SULF1: variants seen among roughly 807,000 people sequenced by gnomAD.
The protein encoded by SULF1 is extracellular sulfatase Sulf-1.
In SULF1, 46 loss-of-function variants were observed where a neutral mutation model predicts 110.5. The ratio of observed to expected loss-of-function variants is 0.42; its 90% CI spans 0.33 to 0.53. The LOEUF (loss-of-function observed/expected upper bound fraction) is 0.53. Ranked by LOEUF, SULF1 falls within the 20% of genes least tolerant of loss-of-function variation. SULF1 has a pLI of 0.12. For missense variants in SULF1, 941 were observed against 1,094.2 expected, an observed-to-expected ratio of 0.86 and a Z score of 1.98; for synonymous variants, 371 against 387.1, an observed-to-expected ratio of 0.96 and a Z score of 0.49.
chr8:69,565,319 G>A (rs1336117777), intron 5 of SULF1, among the ~76,000 whole-genome samples: 3 of 151,978 alleles, frequency 2.0e-5, no homozygotes, highest in African/African-American at 4.8e-5. Context: ...CACATATGAT[G>A]TTAGTATGTA....
intron 22 of SULF1, 74 bp downstream of exon 22, chr8:69,640,915 T>C: frequency 6.8e-7 from 1 of 1,469,596 alleles, no homozygotes; most frequent in Non-Finnish European, 9.4e-7. Context: ...TCAACTAATT[T>C]CTGTTTCTTA....
At chr8:69,485,913 C>A (rs367901934) in intron 1 of SULF1, among the ~76,000 whole-genome samples, 8 of 152,308 alleles carry the variant, frequency 5.3e-5, no homozygotes, top group Admixed American at 2.6e-4. Context: ...ATTTCAAACA[C>A]CAACCCTAAC....
intron 3 of SULF1, among the ~76,000 whole-genome samples, chr8:69,552,402 C>G (rs961480801): frequency 6.6e-6 from 1 of 152,194 alleles, no homozygotes; most frequent in Non-Finnish European, 1.5e-5. Context: ...GATTATGACT[C>G]TAGCCTGGAT....
intron 3 of SULF1, among the ~76,000 whole-genome samples, chr8:69,554,575 C>T (rs1814949771): frequency 6.6e-6 from 1 of 151,992 alleles, no homozygotes; most frequent in African/African-American, 2.4e-5. Context: ...CAAGACACTA[C>T]AGGTTCATTA....
upstream of SULF1, among the ~76,000 whole-genome samples, chr8:69,488,988 G>C (rs999621170): frequency 5.9e-5 from 9 of 152,258 alleles, no homozygotes; most frequent in African/African-American, 2.2e-4. Context: ...GGTGGAGTGA[G>C]GCTGGCCCAG....
chr8:69,585,319 A>T (rs1331979038), intron 6 of SULF1, among the ~76,000 whole-genome samples: 2 of 152,168 alleles, frequency 1.3e-5, no homozygotes, highest in African/African-American at 4.8e-5. Flanking sequence ...GCTTGTTTAT[A>T]CCTGCTTTTC....
At chr8:69,505,061 A>G (rs1203215012) in intron 3 of SULF1, among the ~76,000 whole-genome samples, 5 of 152,198 alleles carry the variant, frequency 3.3e-5, no homozygotes, top group African/African-American at 4.8e-5. Context: ...TCTAAATTAC[A>G]TAACCCAAGA....
chr8:69,658,368 C>T (rs527864014), intron 22 of SULF1, 137 bp from the exon 23 acceptor site: 55 of 639,986 alleles, frequency 8.6e-5, no homozygotes, highest in Non-Finnish European at 3.8e-5. Flanking sequence ...TCTGTGATAA[C>T]AAATGACTAG....
chr8:69,639,506 C>T (rs568352035), intron 21 of SULF1, among the ~76,000 whole-genome samples: 58 of 152,302 alleles, frequency 3.8e-4, no homozygotes, highest in African/African-American at 1.4e-3. Flanking sequence ...AGTGTCCGCC[C>T]CAGCTCTTTT....
At chr8:69,495,192 G>A (rs779172418) in intron 1 of SULF1, among the ~76,000 whole-genome samples, 6 of 152,010 alleles carry the variant, frequency 3.9e-5, no homozygotes, top group South Asian at 4.1e-4. Context: ...AGACTGCAAC[G>A]CTGAGTAAAA....
intron 3 of SULF1, among the ~76,000 whole-genome samples, chr8:69,521,483 T>C (rs983447634): frequency 1.3e-5 from 2 of 152,050 alleles, no homozygotes; most frequent in African/African-American, 4.8e-5. Flanking sequence ...GAACAAAGAC[T>C]TGAAGGAGTG....
At chr8:69,524,083 T>C (rs1427643608) in intron 3 of SULF1, among the ~76,000 whole-genome samples, 1 of 152,010 alleles carries the variant, frequency 6.6e-6, no homozygotes, top group African/African-American at 2.4e-5. Flanking sequence ...AGTAGTAGGC[T>C]ATGTAATATG....
intron 1 of SULF1, among the ~76,000 whole-genome samples, chr8:69,485,278 G>A (rs763515394): frequency 2.6e-5 from 4 of 152,142 alleles, no homozygotes; most frequent in Non-Finnish European, 4.4e-5. Context: ...TTTAGTAATA[G>A]CATCATTGTT....
intron 6 of SULF1, among the ~76,000 whole-genome samples, chr8:69,577,893 A>T (rs1325887659): frequency 6.6e-6 from 1 of 152,198 alleles, no homozygotes; most frequent in East Asian, 1.9e-4. Context: ...TATTTATGTA[A>T]TGATTCTCTT....
At chr8:69,572,890 C>G (rs552099931) in intron 5 of SULF1, among the ~76,000 whole-genome samples, 30 of 152,182 alleles carry the variant, frequency 2.0e-4, no homozygotes, top group Non-Finnish European at 3.5e-4. Context: ...TGCAGTGGCG[C>G]GATCTTGGCT....
intron 3 of SULF1, among the ~76,000 whole-genome samples, chr8:69,529,853 G>A (rs1335182336): frequency 2.0e-5 from 3 of 152,200 alleles, no homozygotes; most frequent in Non-Finnish European, 4.4e-5. Context: ...TCTAGCCTCA[G>A]AAATCACATT....
intron 16 of SULF1, 47 bp downstream of exon 16, chr8:69,627,353 C>A: frequency 2.1e-6 from 3 of 1,461,958 alleles, no homozygotes; most frequent in South Asian, 1.2e-5. Context: ...AACTCAAACT[C>A]GGCCTGCCAG....
chr8:69,622,151 T>G (rs867915040), intron 14 of SULF1, among the ~76,000 whole-genome samples: 4 of 152,250 alleles, frequency 2.6e-5, no homozygotes, highest in Non-Finnish European at 5.9e-5. Flanking sequence ...TTTGTTTCCA[T>G]GTCAACAATT....
At chr8:69,562,908 C>G (rs1815604438) in intron 3 of SULF1, 1 of 152,786 alleles carries the variant, frequency 6.5e-6, no homozygotes. Flanking sequence ...AAGCTGAGGA[C>G]ATGAGTGGGA....
Sources: gnomAD v4.1 joint callset for allele counts (sites outside exome capture counted in the v4.1 genomes callset) on GRCh38, gnomAD v4.1.1 for gene constraint, MANE v1.5 for transcripts, NCBI Gene and HGNC (gene_info 2026-07-23, HGNC 2026-07-21) for gene names.